The following NRF1 variants were observed in gnomAD, a reference collection of about 807,000 sequenced individuals.
NRF1 encodes alpha palindromic-binding protein.
NRF1 carries 5 observed loss-of-function variants against 58.5 expected under a neutral mutation model. The observed-to-expected ratio is 0.09, with a 90% CI of 0.04 to 0.18. The LOEUF (loss-of-function observed/expected upper bound fraction) is 0.18. NRF1 is among the 10% of genes least tolerant of loss of function. The pLI is 1.00. For synonymous variants in NRF1, 224 were observed against 246.7 expected (o/e 0.91, Z 0.86); for missense variants, 288 against 657.7 (o/e 0.44, Z 6.15).
Position 129,611,726 on chromosome 7 carries a change from G to A in NRF1, c.-105G>A, listed in dbSNP as rs1800530255. ...CGGCGGCGGCGGCGGCGGCAGAAGCGGCAGCGCTCGCCATTGCCGCTGGTG... is the reference window on the plus strand; with the variant it reads ...CGGCGGCGGCGGCGGCGGCAGAAGCAGCAGCGCTCGCCATTGCCGCTGGTG... On this transcript the variant is annotated 5_prime_UTR_variant, in exon 1 of 11. Coordinates refer to ENST00000393232, the MANE Select transcript of NRF1 (RefSeq NM_005011.5). 1.1e-5 allele frequency: 4 copies of A among 351,512 alleles called. No individual in the cohort carries two copies. The South Asian group carries it at 5.4e-4, about 47-fold the overall frequency. The allele number at this position is 351,512 out of a possible 1,614,324, so 21.8% of individuals were successfully genotyped here.
intron 1 of NRF1, among the ~76,000 whole-genome samples, chr7:129,621,841 G>A (rs1800804151): frequency 6.7e-6 from 1 of 149,000 alleles, no homozygotes; most frequent in Non-Finnish European, 1.5e-5. Context: ...GGAGTGCAGT[G>A]GCATGATCTT....
At chr7:129,685,137 A>G (rs1802414942) in intron 4 of NRF1, among the ~76,000 whole-genome samples, 1 of 152,240 alleles carries the variant, frequency 6.6e-6, no homozygotes, top group Admixed American at 6.5e-5. Flanking sequence ...TTTTTTTATG[A>G]GACCTTCCCA....
intron 5 of NRF1, among the ~76,000 whole-genome samples, chr7:129,708,511 A>C (rs1257373855): frequency 6.6e-6 from 1 of 152,160 alleles, no homozygotes. Flanking sequence ...CCTTTTTATT[A>C]AGTTAAAGGC....
intron 1 of NRF1, among the ~76,000 whole-genome samples, chr7:129,625,141 C>G (rs1251619557): frequency 6.6e-6 from 1 of 152,170 alleles, no homozygotes; most frequent in South Asian, 2.1e-4. Flanking sequence ...CATTCCTTGA[C>G]TTGTGGCTAC....
chr7:129,683,522 G>A (rs1333567516), intron 4 of NRF1, among the ~76,000 whole-genome samples: 2 of 151,556 alleles, frequency 1.3e-5, no homozygotes, highest in Admixed American at 6.6e-5. Context: ...TAGAGACGGG[G>A]TTTCACCATG....
At chr7:129,734,029 G>GA (rs939880705) in intron 10 of NRF1, among the ~76,000 whole-genome samples, 78 of 146,474 alleles carry the variant, frequency 5.3e-4, no homozygotes, top group Admixed American at 8.2e-4. Flanking sequence ...TTTCAAAAAA[G>GA]AAAAAAAAAA....
chr7:129,625,675 A>ATT (rs56694598), intron 1 of NRF1, among the ~76,000 whole-genome samples: 9,619 of 88,452 alleles, frequency 0.11, 351 homozygotes, highest in Non-Finnish European at 0.12. Context: ...TAATGTTTTA[A>ATT]TTTTTTTTTT....
chr7:129,751,732 A>T (rs759418687), intron 10 of NRF1, among the ~76,000 whole-genome samples: 30 of 152,248 alleles, frequency 2.0e-4, no homozygotes, highest in Non-Finnish European at 7.3e-5. Context: ...GAGCAGTGAA[A>T]TGAGGCTGAC....
chr7:129,756,702 A>C lies in NRF1; in HGVS notation c.*1521A>C, dbSNP rs929778051. 1 of 152,642 alleles carries C rather than the reference A, an allele frequency of 6.6e-6. No individual in the cohort carries two copies. The highest frequency in any genetic ancestry group is 1.5e-5 in the Non-Finnish European group (1 of 68,062). 9.5% of individuals were successfully genotyped at this position (152,642 alleles called of 1,614,324 possible). On this transcript the variant is annotated 3_prime_UTR_variant, in exon 11 of 11. Transcript: ENST00000393232. The stretch of plus-strand genomic sequence containing the variant: ...AATGTGTTTTTTTAATGCGACATTA[A>C]AAGATTCTCCACGTCTTGCTCAACC...
rs1382556840 is a variant in NRF1, at chr7:129,727,225, G to A, written c.1224-16G>A. ...TCCTCTATTCATCATCCTCTCTCCT[G>A]TTCCTGTGCCCGCAGCGAAGCTGCC... On this transcript the variant is annotated splice_polypyrimidine_tract_variant and intron_variant, in intron 9 of 10. Coordinates refer to ENST00000393232, the MANE Select transcript of NRF1 (RefSeq NM_005011.5). 1.3e-6 allele frequency: 2 copies of A among 1,584,742 alleles called. No homozygotes were observed. Among genetic ancestry groups the A allele is most frequent in the East Asian group, 2.3e-5 (1 of 44,338 alleles).
intron 10 of NRF1, among the ~76,000 whole-genome samples, chr7:129,750,602 C>A (rs1201827044): frequency 2.6e-5 from 4 of 152,168 alleles, no homozygotes; most frequent in Non-Finnish European, 5.9e-5. Context: ...GAAATGACTC[C>A]CATCATGGCC....
intron 1 of NRF1, among the ~76,000 whole-genome samples, chr7:129,645,083 A>G (rs1452615838): frequency 6.6e-6 from 1 of 152,158 alleles, no homozygotes; most frequent in African/African-American, 2.4e-5. Context: ...TGTCCCTTCA[A>G]CATTTCTTTG....
intron 9 of NRF1, 108 bp from the exon 10 acceptor site, chr7:129,727,133 C>A: frequency 8.4e-7 from 1 of 1,196,480 alleles, no homozygotes; most frequent in Non-Finnish European, 1.1e-6. Flanking sequence ...AGGATCACAA[C>A]CATGGAGTCA....
At chr7:129,686,301 T>C (rs960957006) in intron 4 of NRF1, among the ~76,000 whole-genome samples, 5 of 152,140 alleles carry the variant, frequency 3.3e-5, no homozygotes, top group Non-Finnish European at 5.9e-5. Context: ...GGCACAACTT[T>C]ATCTGGAGGC....
At chr7:129,735,571 A>G (rs1803688215) in intron 10 of NRF1, among the ~76,000 whole-genome samples, 1 of 152,176 alleles carries the variant, frequency 6.6e-6, no homozygotes, top group Admixed American at 6.5e-5. Context: ...ATTAAAGCTG[A>G]TGACAAGGCA....
At chr7:129,754,269 T>C (rs926374007) in intron 10 of NRF1, among the ~76,000 whole-genome samples, 6 of 150,018 alleles carry the variant, frequency 4.0e-5, no homozygotes, top group Non-Finnish European at 8.9e-5. Flanking sequence ...AAGACCAGCC[T>C]GGGCAACACA....
chr7:129,689,788 G>A (rs1802523021), intron 4 of NRF1, among the ~76,000 whole-genome samples: 1 of 152,180 alleles, frequency 6.6e-6, no homozygotes, highest in South Asian at 2.1e-4. Context: ...CAGAAGCAAG[G>A]GAGATTTGAC....
At position 129,642,880 on chromosome 7, in the gene NRF1, C is replaced by T. The variant is rs371455086; in HGVS notation, c.-6-14466C>T. On this transcript the variant is annotated intron_variant, in intron 1 of 10. Coordinates refer to ENST00000393232, the MANE Select transcript of NRF1 (RefSeq NM_005011.5). ...GGCTCACTCCATCCTCCCACCTTAG[C>T]CTCCCAAGTAGCTGGGACTACAGGC... Among the ~76,000 whole-genome samples the T allele has an allele frequency of 2.3e-4, 35 of 151,750 alleles. No homozygotes were observed. In the South Asian group the frequency reaches 5.7e-3, roughly 25 times the overall value.
At chr7:129,642,327 G>C (rs1244630067) in intron 1 of NRF1, among the ~76,000 whole-genome samples, 1 of 152,048 alleles carries the variant, frequency 6.6e-6, no homozygotes, top group African/African-American at 2.4e-5. Flanking sequence ...TTATTCAAGA[G>C]ATATTTATTG....
Sources: gnomAD v4.1 joint callset for allele counts (sites outside exome capture counted in the v4.1 genomes callset) on GRCh38, gnomAD v4.1.1 for gene constraint, MANE v1.5 for transcripts, NCBI Gene and HGNC (gene_info 2026-07-23, HGNC 2026-07-21) for gene names.